The following TBX3 variants were observed in gnomAD, a reference collection of about 807,000 sequenced individuals.
The protein encoded by TBX3 is T-box transcription factor 3, also known as T-box transcription factor TBX3.
TBX3 carries 11 observed loss-of-function variants against 47.8 expected under a neutral mutation model. The ratio of observed to expected loss-of-function variants is 0.23; its 90% confidence interval spans 0.14 to 0.38. TBX3 has a LOEUF of 0.38. TBX3 is among the 10% of genes least tolerant of loss of function. The pLI, the probability that TBX3 is intolerant of heterozygous loss-of-function variation, is 1.00. For synonymous variants in TBX3, 500 were observed against 449.3 expected (o/e 1.11, Z -1.43); for missense variants, 927 against 1,022.8 (o/e 0.91, Z 1.28).
At chr12:114,675,133 A>G (rs935410511) in intron 5 of TBX3, among the ~76,000 whole-genome samples, 5 of 152,176 alleles carry the variant, frequency 3.3e-5, no homozygotes, top group Non-Finnish European at 4.4e-5. Flanking sequence ...ATTTTAATGA[A>G]TTTTACTTCT....
At chr12:114,672,827 G>C (rs889872233) in intron 6 of TBX3, among the ~76,000 whole-genome samples, 1 of 151,762 alleles carries the variant, frequency 6.6e-6, no homozygotes, top group South Asian at 2.1e-4. Flanking sequence ...CCCAATCCTA[G>C]AAGTTTCTCC....
rs1868481334 is a variant in TBX3, at chr12:114,672,277, C to T, written c.1736G>A (p.Ser579Asn). 1.9e-6 allele frequency: 3 copies of T among 1,571,664 alleles called. No individual in the cohort carries two copies. The highest frequency in any genetic ancestry group is 4.6e-5 in the East Asian group (2 of 43,106). The change falls in exon 7 of 7, where the codon AGC (serine) becomes AAC (asparagine). Residue 579 changes from serine to asparagine, a missense_variant. Transcript: ENST00000349155. ...SQGLAMSPFG[S>N]LFPYPYTYMA... is the part of the protein sequence containing the mutation. The stretch of plus-strand genomic sequence containing the variant: ...GTACGTGTAGGGGTAAGGGAACAGG[C>T]TTCCGAAAGGGGACATGGCCAGGCC...
chr12:114,683,641 G>C lies in TBX3; in HGVS notation c.-441C>G, dbSNP rs752801993. 8.5e-6 allele frequency: 2 copies of C among 236,314 alleles called. No individual in the cohort carries two copies. The highest frequency in any genetic ancestry group is 1.7e-5 in the Non-Finnish European group (2 of 121,124). 14.6% of individuals were successfully genotyped at this position (236,314 alleles called of 1,614,324 possible). ...TAGGTCTTTTGTTGCAAATGTGAAA[G>C]GTTCTCCTAGAAGACTTTTTACCTT... is the stretch of plus-strand genomic sequence containing the variant. On this transcript the variant is annotated 5_prime_UTR_variant, in exon 1 of 7. Transcript: ENST00000349155. This position sits in a 1 kb window ranked among gnomAD's most constrained non-coding sequence, Gnocchi z 7.7.
In TBX3 at chr12:114,671,826, G is replaced by A. The variant is rs886049008; in HGVS notation, c.*15C>T. On this transcript the variant is annotated 3_prime_UTR_variant, in exon 7 of 7. Transcript: ENST00000349155. ...CTGAACTGGACTGGAATGAAAAGAC[G>A]TGTCTGGGACGGGTCTACGGGGACG... 6.4e-7 allele frequency: 1 copy of A among 1,551,404 alleles called. No individual in the cohort carries two copies. The highest frequency in any genetic ancestry group is 8.7e-7 in the Non-Finnish European group (1 of 1,147,820).
chr12:114,678,161 G>A (rs1041715168), intron 3 of TBX3, among the ~76,000 whole-genome samples: 2 of 151,850 alleles, frequency 1.3e-5, no homozygotes, highest in African/African-American at 2.4e-5. Context: ...CCTGGGGGGT[G>A]GTTTGAGGAA....
chr12:114,673,588 G>C lies in TBX3; in HGVS notation c.1710+577C>G, dbSNP rs139546136. On this transcript the variant is annotated intron_variant, in intron 6 of 6. Coordinates refer to ENST00000349155, the MANE Select transcript of TBX3 (RefSeq NM_005996.4). ...GGAATCAAGACTGAACTCCTACTCAGGAAGTAGTCACTTCCCCTCCCCAGG... is the reference window on the plus strand; with the variant it reads ...GGAATCAAGACTGAACTCCTACTCACGAAGTAGTCACTTCCCCTCCCCAGG... 2.7e-3 allele frequency among the ~76,000 whole-genome samples: 404 copies of C among 152,298 alleles called. 1 individual carries two copies. Among genetic ancestry groups the C allele is most frequent in the African/African-American group, 9.3e-3 (386 of 41,570 alleles).
At position 114,671,732 on chromosome 12, in the gene TBX3, T is replaced by G; in HGVS notation, c.*109A>C. 2 of 1,438,246 alleles carry G rather than the reference T, an allele frequency of 1.4e-6. No individual in the cohort carries two copies. Among genetic ancestry groups the G allele is most frequent in the Non-Finnish European group, 1.9e-6 (2 of 1,049,334 alleles). 89.1% of individuals were successfully genotyped at this position (1,438,246 alleles called of 1,614,324 possible). On this transcript the variant is annotated 3_prime_UTR_variant, in exon 7 of 7. Transcript: ENST00000349155. ...TCCGGGGCCCCTTCCCAGACGCAAC[T>G]GCAAAAGGAAGGGCTAACGCCATGG...
Position 114,682,835 on chromosome 12 carries a change from C to T in TBX3, c.366G>A (p.Glu122=), listed in dbSNP as rs1868997531. Residue 122 remains glutamate, a synonymous_variant, in exon 1 of 7, where the codon GAG becomes GAA. Coordinates refer to ENST00000349155, the MANE Select transcript of TBX3 (RefSeq NM_005996.4). ...ACCTTCCCGACTTGGTAATGACCAT[C>T]TCGGTGCCCCGCTTGTGAAACTGAT... ...LWDQFHKRGT[E]MVITKSGRRM... 3 of 1,614,248 alleles carry T rather than the reference C, an allele frequency of 1.9e-6. No homozygotes were observed. Among genetic ancestry groups the T allele is most frequent in the Non-Finnish European group, 2.5e-6 (3 of 1,180,048 alleles).
chr12:114,672,108 C>A lies in TBX3; in HGVS notation c.1905G>T (p.Leu635=). The stretch of plus-strand genomic sequence containing the variant: ...CCATGGAGGGCAGGGCGGTGGTGAG[C>A]AGACTGCTGCCGTCCGGGACCGGCA... ...IPVPVPDGSS[L]LTTALPSMAA... Residue 635 remains leucine, a synonymous_variant, in exon 7 of 7, where the codon CTG becomes CTT. Coordinates refer to ENST00000349155, the MANE Select transcript of TBX3 (RefSeq NM_005996.4). 1 of 1,568,572 alleles carries A rather than the reference C, an allele frequency of 6.4e-7. No homozygotes were observed.
chr12:114,683,084 C>T lies in TBX3; in HGVS notation c.117G>A (p.Pro39=), dbSNP rs1869015888. The change falls in exon 1 of 7, where the codon CCG becomes CCA. Residue 39 remains proline (P), a synonymous_variant. Coordinates refer to ENST00000349155, the MANE Select transcript of TBX3 (RefSeq NM_005996.4). This position sits in a 1 kb window ranked among gnomAD's most constrained non-coding sequence, Gnocchi z 7.7. ...AMSAVLGHQP[P]FFPALTLPPN... is the part of the protein sequence containing the mutation. ...GAGGCAGCGTCAGCGCGGGGAAGAA[C>T]GGCGGCTGGTGACCCAGCACCGCGC... 1.2e-6 allele frequency: 2 copies of T among 1,610,454 alleles called. No individual in the cohort carries two copies. The highest frequency in any genetic ancestry group is 1.3e-5 in the African/African-American group (1 of 74,850).
rs1868394836 is a variant in TBX3 at position 114,670,976 on chromosome 12, G to C, written c.*865C>G. On this transcript the variant is annotated 3_prime_UTR_variant, in exon 7 of 7. Transcript: ENST00000349155. ...TTCTTTATTATTTTTTTAAAACCTT[G>C]TTATTGCATATACAGGAAAGAGAAA... 1.9e-5 allele frequency: 4 copies of C among 208,148 alleles called. No homozygotes were observed. The South Asian group carries it at 7.5e-4, about 39-fold the overall frequency. The allele number at this position is 208,148 out of a possible 1,614,324, so 12.9% of individuals were successfully genotyped here.
chr12:114,678,864 G>T (rs957703151), intron 3 of TBX3, among the ~76,000 whole-genome samples: 1 of 151,626 alleles, frequency 6.6e-6, no homozygotes, highest in Non-Finnish European at 1.5e-5. Context: ...GCCTGGGGGA[G>T]GGGGGGAATT....
At chr12:114,681,237 A>C in intron 1 of TBX3, 91 bp from the exon 2 acceptor site, 1 of 1,539,190 alleles carries the variant, frequency 6.5e-7, no homozygotes, top group South Asian at 1.2e-5. Context: ...TATTGAAACC[A>C]AGTCTAAGAC....
intron 2 of TBX3, chr12:114,680,206 A>G: frequency 1.8e-6 from 1 of 559,702 alleles, no homozygotes; most frequent in South Asian, 2.1e-5. Flanking sequence ...CTTGCTTATC[A>G]CGCTGTTTAT....
At position 114,676,486 on chromosome 12, in the gene TBX3, A is replaced by C; in HGVS notation, c.882-16T>G. ...GAGCTGTTTTCTGTGGCAGAAGCCCACACCCAGGTTACAGAATGTAACATA... is the reference window on the plus strand; with the variant it reads ...GAGCTGTTTTCTGTGGCAGAAGCCCCCACCCAGGTTACAGAATGTAACATA... On this transcript the variant is annotated splice_polypyrimidine_tract_variant and intron_variant, in intron 4 of 6. Coordinates refer to ENST00000349155, the MANE Select transcript of TBX3 (RefSeq NM_005996.4). 1 of 1,614,154 alleles carries C rather than the reference A, an allele frequency of 6.2e-7. No homozygotes were observed. Among genetic ancestry groups the C allele is most frequent in the Non-Finnish European group, 8.5e-7 (1 of 1,180,038 alleles).
rs780975260 is a variant in TBX3 at position 114,676,301 on chromosome 12, G to A, written c.1039+12C>T. 7.4e-6 allele frequency: 12 copies of A among 1,613,186 alleles called. No homozygotes were observed. The highest frequency in any genetic ancestry group is 1.0e-5 in the Non-Finnish European group (12 of 1,179,998). The stretch of plus-strand genomic sequence containing the variant: ...ACTGGAGTCCAGTGATCACAAAGGT[G>A]ACATGGTTTACCTTTGAGGTTCGAT... On this transcript the variant is annotated intron_variant, in intron 5 of 6. Coordinates refer to ENST00000349155, the MANE Select transcript of TBX3 (RefSeq NM_005996.4).
At chr12:114,675,152 G>A (rs1193021050) in intron 5 of TBX3, among the ~76,000 whole-genome samples, 5 of 152,062 alleles carry the variant, frequency 3.3e-5, no homozygotes, top group Admixed American at 2.6e-4. Context: ...CTTTTTTTGA[G>A]TTCCTACAGT....
chr12:114,672,668 T>C (rs910206932), intron 6 of TBX3, among the ~76,000 whole-genome samples: 1 of 152,066 alleles, frequency 6.6e-6, no homozygotes, highest in African/African-American at 2.4e-5. Flanking sequence ...ACACAGTGTG[T>C]GCAGCCCCCA....
In TBX3 at chr12:114,674,156, G is replaced by A. The variant is rs1423661806; in HGVS notation, c.1710+9C>T. On this transcript the variant is annotated intron_variant, in intron 6 of 6. Transcript: ENST00000349155. ...AAAGACTGGTGGAGGCAGGAAGAAG[G>A]ATCCATACCTGAGAGGCCAGGACGT... 8 of 1,579,268 alleles carry A rather than the reference G, an allele frequency of 5.1e-6. No individual in the cohort carries two copies. The South Asian group carries it at 8.1e-5, about 16-fold the overall frequency.
Sources: allele counts gnomAD v4.1 joint callset (sites outside exome capture counted in the v4.1 genomes callset), GRCh38; gene constraint gnomAD v4.1.1; non-coding constraint Gnocchi (gnomAD v3.1); transcripts MANE v1.5; gene names NCBI Gene and HGNC (gene_info 2026-07-23, HGNC 2026-07-21).